The following RSRC1 variants were observed in gnomAD, a reference collection of about 807,000 sequenced individuals.
The protein encoded by RSRC1 is serine/Arginine-related protein 53.
Under a neutral mutation model 49.1 loss-of-function variants are expected in RSRC1, and 39 were observed. The observed-to-expected ratio is 0.79, with a 90% confidence interval of 0.61 to 1.04. RSRC1 has a LOEUF of 1.04. RSRC1 is among the 50% of genes least tolerant of loss of function. RSRC1 has a pLI of 0.00. For synonymous variants in RSRC1, 143 were observed against 130.8 expected, an observed-to-expected ratio of 1.09 and a Z score of -0.63; for missense variants, 388 against 402.4, an observed-to-expected ratio of 0.96 and a Z score of 0.31.
chr3:158,154,440 G>A (rs1176731346), intron 3 of RSRC1, among the ~76,000 whole-genome samples: 4 of 151,002 alleles, frequency 2.6e-5, no homozygotes, highest in Admixed American at 2.6e-4. Context: ...AATTGATGCT[G>A]TTGTCTAGTA....
intron 4 of RSRC1, among the ~76,000 whole-genome samples, chr3:158,288,250 A>G (rs1334386131): frequency 6.6e-6 from 1 of 152,136 alleles, no homozygotes; most frequent in Non-Finnish European, 1.5e-5. Flanking sequence ...CCCAAATACA[A>G]TGAATCCTTC....
intron 1 of RSRC1, among the ~76,000 whole-genome samples, chr3:158,111,584 T>G (rs1714413762): frequency 1.3e-5 from 2 of 152,216 alleles, no homozygotes; most frequent in Admixed American, 6.5e-5. Flanking sequence ...CAGAATTCTT[T>G]ATCTCTTTTG....
chr3:158,382,404 T>C (rs898809840), intron 6 of RSRC1, among the ~76,000 whole-genome samples: 2 of 152,246 alleles, frequency 1.3e-5, no homozygotes, highest in African/African-American at 4.8e-5. Flanking sequence ...TATTATGCTA[T>C]GCTTTTATAT....
At chr3:158,276,841 T>C (rs1725846697) in intron 4 of RSRC1, among the ~76,000 whole-genome samples, 1 of 152,192 alleles carries the variant, frequency 6.6e-6, no homozygotes, top group South Asian at 2.1e-4. Context: ...TTAGTGATTG[T>C]CATGCAAATA....
At chr3:158,472,221 G>A (rs1290725953) in intron 7 of RSRC1, among the ~76,000 whole-genome samples, 1 of 151,860 alleles carries the variant, frequency 6.6e-6, no homozygotes, top group Non-Finnish European at 1.5e-5. Flanking sequence ...AACTTTGCAG[G>A]TCAGAAGTGC....
chr3:158,118,003 G>A (rs1454123323), intron 1 of RSRC1, among the ~76,000 whole-genome samples: 1 of 152,024 alleles, frequency 6.6e-6, no homozygotes, highest in East Asian at 1.9e-4. Flanking sequence ...AGGCTGGAAT[G>A]CAGTGGCACA....
At chr3:158,199,435 G>A (rs565968628) in intron 3 of RSRC1, among the ~76,000 whole-genome samples, 1 of 152,148 alleles carries the variant, frequency 6.6e-6, no homozygotes, top group South Asian at 2.1e-4. Flanking sequence ...TTCATTTGAT[G>A]AGTTTCGCTG....
chr3:158,365,942 T>A (rs1293558512), intron 6 of RSRC1, among the ~76,000 whole-genome samples: 1 of 152,232 alleles, frequency 6.6e-6, no homozygotes, highest in Non-Finnish European at 1.5e-5. Context: ...GCCACATAAA[T>A]GTCTTCTTTT....
At chr3:158,468,739 C>T (rs1232732514) in intron 7 of RSRC1, among the ~76,000 whole-genome samples, 2 of 152,116 alleles carry the variant, frequency 1.3e-5, no homozygotes, top group Non-Finnish European at 2.9e-5. Flanking sequence ...TTTTTACCTT[C>T]ACAGCATCTT....
intron 6 of RSRC1, among the ~76,000 whole-genome samples, chr3:158,370,345 A>T (rs1166560212): frequency 6.6e-6 from 1 of 151,978 alleles, no homozygotes; most frequent in African/African-American, 2.4e-5. Flanking sequence ...TGTCACTTTG[A>T]CCAAAGATTT....
At chr3:158,272,192 C>A (rs991412070) in intron 4 of RSRC1, among the ~76,000 whole-genome samples, 1 of 152,118 alleles carries the variant, frequency 6.6e-6, no homozygotes, top group Admixed American at 6.5e-5. Context: ...TTTTTCCCTG[C>A]ACAACTTTTT....
intron 3 of RSRC1, among the ~76,000 whole-genome samples, chr3:158,147,202 C>T (rs989410639): frequency 2.8e-5 from 4 of 145,404 alleles, no homozygotes; most frequent in Admixed American, 1.4e-4. Flanking sequence ...AATCTCTACC[C>T]GCTAAAAGGA....
chr3:158,397,710 C>T (rs1048829087), intron 6 of RSRC1, among the ~76,000 whole-genome samples: 1 of 151,756 alleles, frequency 6.6e-6, no homozygotes, highest in African/African-American at 2.4e-5. Context: ...TCTTTCAAGC[C>T]CTCAAATTCA....
rs559225579 is a variant in RSRC1, at chr3:158,330,192, G to A, written c.532-24665G>A. 1.2e-3 allele frequency among the ~76,000 whole-genome samples: 184 copies of A among 152,264 alleles called. 1 individual carries two copies. The highest frequency in any genetic ancestry group is 2.3e-3 in the Admixed American group (35 of 15,300). ...ACCCCTTGCACTTCCTGGATGAGGCGATGCCTCGCCCTGCTTCAGCTCACA... is the reference window on the plus strand; with the variant it reads ...ACCCCTTGCACTTCCTGGATGAGGCAATGCCTCGCCCTGCTTCAGCTCACA... On this transcript the variant is annotated intron_variant, in intron 5 of 9. Transcript: ENST00000611884.
intron 7 of RSRC1, among the ~76,000 whole-genome samples, chr3:158,498,263 G>A (rs542719459): frequency 6.6e-6 from 1 of 151,538 alleles, no homozygotes; most frequent in African/African-American, 2.4e-5. Context: ...CGTTCTTGCA[G>A]GAGTAAAGTA....
chr3:158,458,532 C>T (rs913948291), intron 6 of RSRC1, among the ~76,000 whole-genome samples: 12 of 152,110 alleles, frequency 7.9e-5, no homozygotes, highest in South Asian at 2.1e-4. Context: ...ACTTTCTTGG[C>T]GTCCAGGGTG....
At chr3:158,357,096 T>A (rs916997018) in intron 6 of RSRC1, among the ~76,000 whole-genome samples, 3 of 152,220 alleles carry the variant, frequency 2.0e-5, no homozygotes, top group African/African-American at 7.2e-5. Flanking sequence ...CTTAGCTAAA[T>A]ACTCAAGTTT....
intron 3 of RSRC1, among the ~76,000 whole-genome samples, chr3:158,189,923 T>C (rs827154): frequency 0.39 from 58,961 of 151,662 alleles, 12,342 homozygotes; most frequent in East Asian, 0.64. Flanking sequence ...ATTTGTTGCA[T>C]GGTCTTGACT....
intron 1 of RSRC1, among the ~76,000 whole-genome samples, chr3:158,114,210 C>T (rs2108150044): frequency 6.6e-6 from 1 of 152,308 alleles, no homozygotes; most frequent in African/African-American, 2.4e-5. Flanking sequence ...CAATTTTCTA[C>T]ATATGGCTAG....
Sources: gnomAD v4.1 joint callset for allele counts (sites outside exome capture counted in the v4.1 genomes callset) on GRCh38, gnomAD v4.1.1 for gene constraint, MANE v1.5 for transcripts, NCBI Gene and HGNC (gene_info 2026-07-23, HGNC 2026-07-21) for gene names.